The following RAMP1 variants were observed in gnomAD, a reference collection of about 807,000 sequenced individuals.
RAMP1 encodes receptor activity modifying protein 1, also known as receptor activity-modifying protein 1.
RAMP1 carries 7 observed loss-of-function variants against 8.2 expected under a neutral mutation model. The ratio of observed to expected loss-of-function variants is 0.85; its 90% CI spans 0.49 to 1.60. RAMP1 has a LOEUF of 1.60. RAMP1 is among the 40% of genes most tolerant of loss of function. RAMP1 has a pLI of 0.00. For missense variants in RAMP1, 192 were observed against 202.4 expected (o/e 0.95, Z 0.31); for synonymous variants, 92 against 84.7 (o/e 1.09, Z -0.47).
intron 2 of RAMP1, among the ~76,000 whole-genome samples, chr2:237,910,954 G>C (rs1032258556): frequency 2.0e-5 from 3 of 150,658 alleles, no homozygotes; most frequent in Non-Finnish European, 4.4e-5. Context: ...CACACACACA[G>C]AGTCACACAC....
intron 2 of RAMP1, among the ~76,000 whole-genome samples, chr2:237,895,690 G>A (rs778692377): frequency 1.6e-4 from 24 of 151,380 alleles, no homozygotes; most frequent in Non-Finnish European, 2.8e-4. Flanking sequence ...GGCATCGGGG[G>A]AGAGTTTCTT....
intron 2 of RAMP1, among the ~76,000 whole-genome samples, chr2:237,884,030 C>T (rs2062402780): frequency 1.3e-5 from 2 of 151,472 alleles, no homozygotes; most frequent in Admixed American, 1.3e-4. Context: ...TCCGACAGCC[C>T]TTGCCCTGAC....
rs542446577 is a variant in RAMP1, at chr2:237,866,242, G to A, written c.52+6515G>A. ...AATCCGGTGCTCTGTGGCCACTACC[G>A]AGAGTGGGATATTTTCCCCCATTTT... is the stretch of plus-strand genomic sequence containing the variant. On this transcript the variant is annotated intron_variant, in intron 1 of 2. Coordinates refer to ENST00000254661, the MANE Select transcript of RAMP1 (RefSeq NM_005855.4). Among the ~76,000 whole-genome samples the A allele has an allele frequency of 2.0e-4, 31 of 152,122 alleles. No individual in the cohort carries two copies. In the South Asian group the frequency reaches 4.6e-3, roughly 22 times the overall value.
chr2:237,894,194 C>T (rs2062514651), intron 2 of RAMP1, among the ~76,000 whole-genome samples: 1 of 152,060 alleles, frequency 6.6e-6, no homozygotes, highest in Non-Finnish European at 1.5e-5. Flanking sequence ...TGGTCTTGAA[C>T]TCCTGACCTC....
chr2:237,895,899 G>A (rs1243733347), intron 2 of RAMP1, among the ~76,000 whole-genome samples: 3 of 152,154 alleles, frequency 2.0e-5, no homozygotes, highest in Admixed American at 6.5e-5. Flanking sequence ...CCATGTCCCC[G>A]TGAGGTGGGA....
In RAMP1 at chr2:237,908,437, G is replaced by T. The variant is rs2062674926; in HGVS notation, c.192-3091G>T. Among the ~76,000 whole-genome samples the T allele has an allele frequency of 2.0e-5, 3 of 151,928 alleles. No homozygotes were observed. In the South Asian group the frequency reaches 6.2e-4, roughly 32 times the overall value. On this transcript the variant is annotated intron_variant, in intron 2 of 2. Transcript: ENST00000254661. ...GGTGGTGGTGGTGGTGGTGGTGGTG[G>T]TGTTTTTGAGACAGAGTCTTGCTCT...
chr2:237,901,612 T>A (rs990818196), intron 2 of RAMP1, among the ~76,000 whole-genome samples: 1 of 151,846 alleles, frequency 6.6e-6, no homozygotes, highest in African/African-American at 2.4e-5. Context: ...GGGGACCCAG[T>A]TGAGTGACCC....
intron 1 of RAMP1, among the ~76,000 whole-genome samples, chr2:237,871,510 A>C (rs936822323): frequency 3.7e-4 from 56 of 152,146 alleles, no homozygotes; most frequent in African/African-American, 1.3e-3. Flanking sequence ...TGGCAACTGA[A>C]GGGGCCCTGT....
intron 1 of RAMP1, among the ~76,000 whole-genome samples, chr2:237,870,690 G>A (rs888041922): frequency 3.7e-4 from 57 of 152,168 alleles, no homozygotes; most frequent in African/African-American, 1.4e-3. Context: ...TTACTGAATG[G>A]CAGTCGGGGG....
chr2:237,895,803 C>T (rs7590248), intron 2 of RAMP1, among the ~76,000 whole-genome samples: 32,396 of 152,080 alleles, frequency 0.21, 3,621 homozygotes, highest in East Asian at 0.3. Flanking sequence ...CGTTGCTTCA[C>T]AAGGACAATG....
chr2:237,892,655 C>T (rs7578855), intron 2 of RAMP1, among the ~76,000 whole-genome samples: 95,635 of 151,888 alleles, frequency 0.63, 29,998 homozygotes, highest in East Asian at 0.7. Flanking sequence ...TTATCTTGTA[C>T]TTATTATCTT....
chr2:237,879,823 C>G lies in RAMP1; in HGVS notation c.191+2461C>G, dbSNP rs868758167. 6.5e-4 allele frequency among the ~76,000 whole-genome samples: 98 copies of G among 150,292 alleles called. 1 individual carries two copies. In the Middle Eastern group the frequency reaches 0.024, roughly 37 times the overall value. On this transcript the variant is annotated intron_variant, in intron 2 of 2. Transcript: ENST00000254661. Reference sequence around the variant, plus strand: ...TAGCCAACATGGTGAAACCCCATCTCTACTAAAAATATAAAAATTAGCCGG... The same window carrying G: ...TAGCCAACATGGTGAAACCCCATCTGTACTAAAAATATAAAAATTAGCCGG...
At chr2:237,883,722 G>A (rs1484404636) in intron 2 of RAMP1, among the ~76,000 whole-genome samples, 3 of 151,416 alleles carry the variant, frequency 2.0e-5, no homozygotes, top group East Asian at 1.9e-4. Context: ...AGGCTGAGGC[G>A]GGAGGATCAC....
At chr2:237,904,515 A>G (rs906553500) in intron 2 of RAMP1, among the ~76,000 whole-genome samples, 15 of 152,184 alleles carry the variant, frequency 9.9e-5, no homozygotes, top group African/African-American at 3.6e-4. Flanking sequence ...GGGTGAGGCA[A>G]GAGGATCACC....
chr2:237,893,381 T>TGTGCA (rs1462437109), intron 2 of RAMP1, among the ~76,000 whole-genome samples: 1 of 152,236 alleles, frequency 6.6e-6, no homozygotes, highest in African/African-American at 2.4e-5. Context: ...GAAGCTTTGG[T>TGTGCA]GTGCAGTGCA....
chr2:237,891,834 C>G (rs553931708), intron 2 of RAMP1, among the ~76,000 whole-genome samples: 25 of 152,096 alleles, frequency 1.6e-4, no homozygotes, highest in African/African-American at 5.8e-4. Flanking sequence ...ATATTTTTAT[C>G]ATTTCTACTT....
chr2:237,911,563 T>C lies in RAMP1; in HGVS notation c.227T>C (p.Met76Thr). The C allele has an allele frequency of 6.2e-7, 1 of 1,614,126 alleles. No individual in the cohort carries two copies. Among genetic ancestry groups the C allele is most frequent in the Non-Finnish European group, 8.5e-7 (1 of 1,179,992 alleles). The change falls in exon 3 of 3, where the codon ATG becomes ACG. Residue 76 changes from methionine to threonine, a missense_variant. Coordinates refer to ENST00000254661, the MANE Select transcript of RAMP1 (RefSeq NM_005855.4). Reference protein sequence around the residue: ...YRELADCTWHMAEKLGCFWPN... With the variant: ...YRELADCTWHTAEKLGCFWPN... Reference sequence around the variant, plus strand: ...GAGCTGGCCGACTGCACCTGGCACATGGCGGAGAAGCTGGGCTGCTTCTGG... The same window carrying C: ...GAGCTGGCCGACTGCACCTGGCACACGGCGGAGAAGCTGGGCTGCTTCTGG...
At chr2:237,894,344 C>T (rs1263100205) in intron 2 of RAMP1, among the ~76,000 whole-genome samples, 1 of 152,220 alleles carries the variant, frequency 6.6e-6, no homozygotes, top group African/African-American at 2.4e-5. Flanking sequence ...CCTTTATCCC[C>T]AAGCCTAATG....
intron 2 of RAMP1, among the ~76,000 whole-genome samples, chr2:237,887,914 GAAAT>G (rs927798084): frequency 1.3e-5 from 2 of 152,198 alleles, no homozygotes; most frequent in Non-Finnish European, 2.9e-5. Context: ...GACCTTGTCT[GAAAT>G]AAATGACAAC....
Sources: gnomAD v4.1 joint callset for allele counts (sites outside exome capture counted in the v4.1 genomes callset) on GRCh38, gnomAD v4.1.1 for gene constraint, MANE v1.5 for transcripts, NCBI Gene and HGNC (gene_info 2026-07-23, HGNC 2026-07-21) for gene names.